USP20: variants seen among roughly 807,000 people sequenced by gnomAD.
USP20 encodes the protein ubiquitin specific peptidase 20.
USP20 carries 80 observed loss-of-function variants against 124.2 expected under a neutral mutation model. The ratio of observed to expected loss-of-function variants is 0.64; its 90% CI spans 0.54 to 0.78. USP20 has a LOEUF of 0.78. Ranked by LOEUF, USP20 falls within the 30% of genes least tolerant of loss-of-function variation. The pLI is 0.00. For missense variants in USP20, 1,043 were observed against 1,244.4 expected, an observed-to-expected ratio of 0.84 and a Z score of 2.44; for synonymous variants, 481 against 512.3, an observed-to-expected ratio of 0.94 and a Z score of 0.83.
At chr9:129,868,824 G>A in intron 11 of USP20, 38 bp from the exon 12 acceptor site, 1 of 1,519,348 alleles carries the variant, frequency 6.6e-7, no homozygotes. Context: ...AGCTGGCCTG[G>A]CTGCCCTGGC....
chr9:129,838,411 A>C (rs1437154710), intron 1 of USP20, among the ~76,000 whole-genome samples: 1 of 152,144 alleles, frequency 6.6e-6, no homozygotes. Flanking sequence ...TGGCTCAATA[A>C]ATAGAAATTT....
At chr9:129,858,194 C>T (rs1278270174) in intron 5 of USP20, 82 bp downstream of exon 5, 1 of 1,430,610 alleles carries the variant, frequency 7.0e-7, no homozygotes, top group Non-Finnish European at 9.8e-7. Flanking sequence ...CCACTCTGGG[C>T]CTAAATGGCT....
rs200925829 is a variant in USP20 at position 129,873,683 on chromosome 9, C to T, written c.1695-16C>T. The stretch of plus-strand genomic sequence containing the variant: ...CTGATGCCGGACACTGATGCTGGCT[C>T]GTGCTTCCTCCCCAGGCTGCGGAAC... On this transcript the variant is annotated splice_polypyrimidine_tract_variant and intron_variant, in intron 16 of 25. Coordinates refer to ENST00000372429, the MANE Select transcript of USP20 (RefSeq NM_001110303.4). 1.9e-4 allele frequency: 307 copies of T among 1,613,688 alleles called. 1 individual carries two copies. In the African/African-American group the frequency reaches 3.5e-3, roughly 19 times the overall value.
chr9:129,874,589 A>C lies in USP20; in HGVS notation c.1754A>C (p.His585Pro). 2 of 1,613,528 alleles carry C rather than the reference A, an allele frequency of 1.2e-6. 1 individual carries two copies. Among genetic ancestry groups the C allele is most frequent in the South Asian group, 2.2e-5 (2 of 91,084 alleles). ...VLRLPEILCI[H>P]LKRFRHEVMY... ...CTGTCCCCGCAGATCCTGTGCATTC[A>C]CCTAAAGCGCTTTCGGCACGAGGTG... The change falls in exon 18 of 26, where the codon CAC (histidine) becomes CCC (proline). Residue 585 changes from histidine (H) to proline (P), a missense_variant. His to Pro is a moderately conservative substitution (Grantham distance 77). Transcript: ENST00000372429.
Position 129,839,499 on chromosome 9 carries a change from G to T in USP20, c.-129+4000G>T, listed in dbSNP as rs1372830052. On this transcript the variant is annotated intron_variant, in intron 1 of 25. Coordinates refer to ENST00000372429, the MANE Select transcript of USP20 (RefSeq NM_001110303.4). This position sits in a 1 kb window ranked among gnomAD's most constrained non-coding sequence, Gnocchi z 4.5. ...AGTGAGGACTGGGTTAAGGGAAGGG[G>T]TGGGTGTGTCTGGGACTTAGGGAGA... 2.6e-5 allele frequency among the ~76,000 whole-genome samples: 4 copies of T among 152,124 alleles called. No homozygotes were observed. Among genetic ancestry groups the T allele is most frequent in the African/African-American group, 9.7e-5 (4 of 41,388 alleles).
chr9:129,861,456 C>A, intron 7 of USP20, 87 bp from the exon 8 acceptor site: 1 of 1,265,936 alleles, frequency 7.9e-7, no homozygotes, highest in Non-Finnish European at 1.2e-6. Context: ...AGTTGAGAGC[C>A]ACACCTTTGT....
intron 4 of USP20, 107 bp from the exon 5 acceptor site, chr9:129,857,943 C>A: frequency 1.0e-6 from 1 of 975,944 alleles, no homozygotes; most frequent in Non-Finnish European, 1.6e-6. Context: ...CTTGTGGCCC[C>A]TATTCAGGAG....
Position 129,872,899 on chromosome 9 carries a change from C to G in USP20, c.1661-583C>G, listed in dbSNP as rs187810294. 1.4e-3 allele frequency among the ~76,000 whole-genome samples: 213 copies of G among 152,054 alleles called. 1 individual carries two copies. Among genetic ancestry groups the G allele is most frequent in the Middle Eastern group, 0.01 (3 of 292 alleles). On this transcript the variant is annotated intron_variant, in intron 15 of 25. Transcript: ENST00000372429. ...GTAATTAATGTTGCACTTCCCACCC[C>G]ACCTCCATTTTGCCTTTTGCCTTTT... is the stretch of plus-strand genomic sequence containing the variant.
chr9:129,843,037 A>G (rs2032321005), intron 1 of USP20, among the ~76,000 whole-genome samples: 1 of 152,318 alleles, frequency 6.6e-6, no homozygotes, highest in Middle Eastern at 3.4e-3. Context: ...GCTGATAGGC[A>G]GATAAATGTA....
At chr9:129,849,236 C>T (rs2032763142) in intron 1 of USP20, among the ~76,000 whole-genome samples, 1 of 152,176 alleles carries the variant, frequency 6.6e-6, no homozygotes, top group African/African-American at 2.4e-5. Context: ...CAAGGTAATG[C>T]CTCAGCAGTG....
At chr9:129,876,277 C>T in intron 22 of USP20, 39 bp downstream of exon 22, 1 of 1,553,164 alleles carries the variant, frequency 6.4e-7, no homozygotes. Flanking sequence ...GCTCTGCCAG[C>T]CTCTGCCTGG....
intron 9 of USP20, among the ~76,000 whole-genome samples, chr9:129,864,666 T>C (rs1323218800): frequency 6.7e-6 from 1 of 149,694 alleles, no homozygotes; most frequent in Non-Finnish European, 1.5e-5. Context: ...CCCAGCACTT[T>C]GGGAGGCTGA....
At chr9:129,864,068 T>C (rs1296603307) in intron 9 of USP20, among the ~76,000 whole-genome samples, 1 of 146,738 alleles carries the variant, frequency 6.8e-6, no homozygotes, top group Non-Finnish European at 1.5e-5. Context: ...ATCGCACCAC[T>C]GCACTCCAGC....
At chr9:129,854,770 C>A (rs2033126066) in intron 3 of USP20, among the ~76,000 whole-genome samples, 1 of 152,216 alleles carries the variant, frequency 6.6e-6, no homozygotes, top group South Asian at 2.1e-4. Flanking sequence ...CTGGCACCCA[C>A]AGCATCCTCC....
intron 15 of USP20, among the ~76,000 whole-genome samples, chr9:129,872,215 T>C (rs924289385): frequency 1.5e-4 from 23 of 151,996 alleles, no homozygotes; most frequent in African/African-American, 5.3e-4. Context: ...TGCAATGGCA[T>C]GATCTTGGCT....
Position 129,873,833 on chromosome 9 carries a change from C to T in USP20, c.1740+89C>T, listed in dbSNP as rs1453104914. ...GGCAGGGGCTGAGCCTGCTCCACTG[C>T]TCGGGCACTTCTGTGCTGCAGGGGC... On this transcript the variant is annotated intron_variant, in intron 17 of 25. Transcript: ENST00000372429. 2.0e-6 allele frequency: 3 copies of T among 1,492,482 alleles called. No individual in the cohort carries two copies. The African/African-American group carries it at 4.1e-5, about 20-fold the overall frequency. 92.5% of individuals were successfully genotyped at this position (1,492,482 alleles called of 1,614,324 possible).
intron 1 of USP20, among the ~76,000 whole-genome samples, chr9:129,840,232 A>G (rs571095933): frequency 9.5e-4 from 145 of 152,306 alleles, no homozygotes; most frequent in African/African-American, 3.4e-3. Context: ...CACACTCCAT[A>G]TATTTGCACA....
intron 16 of USP20, 37 bp from the exon 17 acceptor site, chr9:129,873,662 T>C: frequency 1.2e-6 from 2 of 1,613,388 alleles, no homozygotes; most frequent in Non-Finnish European, 1.7e-6. Context: ...CTGGCCCTGA[T>C]GCCGGACACT....
chr9:129,850,322 T>A (rs16931489), intron 2 of USP20, among the ~76,000 whole-genome samples: 22,677 of 152,176 alleles, frequency 0.15, 2,264 homozygotes, highest in African/African-American at 0.27. Context: ...GCCCTTAGGA[T>A]CTGACCCACT....
Sources: allele counts gnomAD v4.1 joint callset (sites outside exome capture counted in the v4.1 genomes callset), GRCh38; gene constraint gnomAD v4.1.1; non-coding constraint Gnocchi (gnomAD v3.1); transcripts MANE v1.5; gene names NCBI Gene and HGNC (gene_info 2026-07-23, HGNC 2026-07-21).